Variants in C10orf90 observed in about 807,000 individuals in gnomAD.
C10orf90 encodes chromosome 10 open reading frame 90.
Under a neutral mutation model 62.5 loss-of-function variants are expected in C10orf90, and 56 were observed. The observed-to-expected ratio is 0.90, with a 90% CI of 0.72 to 1.12. The LOEUF (loss-of-function observed/expected upper bound fraction) is 1.12, where lower values mean the gene tolerates loss of function less well. Ranked by LOEUF, C10orf90 falls within the 50% of genes most tolerant of loss-of-function variation. The pLI, the probability that C10orf90 is intolerant of heterozygous loss-of-function variation, is 0.00. For synonymous variants in C10orf90, 386 were observed against 340.4 expected, an observed-to-expected ratio of 1.13 and a Z score of -1.47; for missense variants, 970 against 880.4, an observed-to-expected ratio of 1.10 and a Z score of -1.29.
chr10:126,563,426 G>A (rs1864948980), intron 2 of C10orf90, among the ~76,000 whole-genome samples: 1 of 152,190 alleles, frequency 6.6e-6, no homozygotes, highest in African/African-American at 2.4e-5. Flanking sequence ...CACATGCAAA[G>A]CTCCTGTGGT....
At chr10:126,486,342 T>C (rs2133819489) in intron 4 of C10orf90, among the ~76,000 whole-genome samples, 1 of 152,290 alleles carries the variant, frequency 6.6e-6, no homozygotes, top group South Asian at 2.1e-4. Flanking sequence ...AAGGAACTTA[T>C]TCTCAACCCA....
At chr10:126,497,017 C>T (rs1262424535) in intron 4 of C10orf90, among the ~76,000 whole-genome samples, 3 of 152,150 alleles carry the variant, frequency 2.0e-5, no homozygotes, top group East Asian at 3.9e-4. Flanking sequence ...GCAAGGAGAC[C>T]AGGTCTGAGT....
chr10:126,491,635 A>G (rs1861779570), intron 4 of C10orf90, among the ~76,000 whole-genome samples: 1 of 152,242 alleles, frequency 6.6e-6, no homozygotes, highest in South Asian at 2.1e-4. Flanking sequence ...CTCATCCTTC[A>G]AATCCGCAGA....
rs74158860 is a variant in C10orf90 at position 126,642,779 on chromosome 10, G to C, written c.313+3786C>G. Among the ~76,000 whole-genome samples the C allele has an allele frequency of 3.4e-3, 512 of 152,104 alleles. 3 individuals carry two copies. Among genetic ancestry groups the C allele is most frequent in the African/African-American group, 0.012 (500 of 41,472 alleles). The stretch of plus-strand genomic sequence containing the variant: ...TCTATGCCACACTGCCAGCTGCTTC[G>C]CGAGCATCTGGAGCAGATGAGGTCA... On this transcript the variant is annotated intron_variant, in intron 2 of 9. Transcript: ENST00000488181.
chr10:126,571,575 G>A (rs1338256296), intron 2 of C10orf90, among the ~76,000 whole-genome samples: 1 of 152,224 alleles, frequency 6.6e-6, no homozygotes. Flanking sequence ...TCCATCATTA[G>A]CATTCCATTC....
chr10:126,643,826 C>A (rs1367340872), intron 2 of C10orf90, among the ~76,000 whole-genome samples: 1 of 152,330 alleles, frequency 6.6e-6, no homozygotes, highest in Middle Eastern at 3.4e-3. Context: ...CATCCTGGTC[C>A]CAGACCCTTC....
intron 2 of C10orf90, among the ~76,000 whole-genome samples, chr10:126,603,328 G>A (rs1269276816): frequency 6.6e-6 from 1 of 152,082 alleles, no homozygotes; most frequent in African/African-American, 2.4e-5. Flanking sequence ...GCAAAAGCGG[G>A]AAAAGCCCCT....
intron 2 of C10orf90, among the ~76,000 whole-genome samples, chr10:126,584,627 C>T (rs529695942): frequency 6.6e-6 from 1 of 152,114 alleles, no homozygotes; most frequent in Non-Finnish European, 1.5e-5. Context: ...CTCACGTGTG[C>T]CCATGTTTTG....
At position 126,513,911 on chromosome 10, in the gene C10orf90, T is replaced by C; in HGVS notation, c.342A>G (p.Arg114=). The change falls in exon 3 of 10, where the codon AGA becomes AGG. Residue 114 remains arginine (R), a synonymous_variant. Transcript: ENST00000488181. Reference sequence around the variant, plus strand: ...GGAGATTTTTAAGGGCAATTTGATCTCTTCTACTGTGGTAGCTGTCCCGTA... The same window carrying C: ...GGAGATTTTTAAGGGCAATTTGATCCCTTCTACTGTGGTAGCTGTCCCGTA... The part of the protein sequence containing the change: ...AGLRDSYHSR[R]DQIALKNLQS... 2 of 1,613,250 alleles carry C rather than the reference T, an allele frequency of 1.2e-6. No individual in the cohort carries two copies. The highest frequency in any genetic ancestry group is 1.7e-6 in the Non-Finnish European group (2 of 1,179,406).
chr10:126,559,657 G>A (rs7075271), intron 2 of C10orf90, among the ~76,000 whole-genome samples: 1 of 151,802 alleles, frequency 6.6e-6, no homozygotes, highest in Non-Finnish European at 1.5e-5. Context: ...TCGGAAGATG[G>A]GTACCAGAGA....
chr10:126,504,246 G>C lies in C10orf90; in HGVS notation c.1245C>G (p.Ala415=), dbSNP rs779964630. 1 of 1,614,114 alleles carries C rather than the reference G, an allele frequency of 6.2e-7. No individual in the cohort carries two copies. The highest frequency in any genetic ancestry group is 8.5e-7 in the Non-Finnish European group (1 of 1,180,022). Residue 415 remains alanine (A), a synonymous_variant, in exon 4 of 10, where the codon GCC becomes GCG. Coordinates refer to ENST00000488181, the MANE Select transcript of C10orf90 (RefSeq NM_001350921.2). The surrounding 1 kb of genome is among the most constrained non-coding windows in gnomAD (Gnocchi z 4.1). ...CTCCCTCCAGGAGCTCCTGCTTCAG[G>C]GCTTCGCTTATTGGCTCTCTGTTCA... ...GLVNREPISE[A]LKQELLEGDQ... is the part of the protein sequence containing the mutation.
intron 2 of C10orf90, among the ~76,000 whole-genome samples, chr10:126,576,382 A>C (rs1303978688): frequency 6.6e-6 from 1 of 151,084 alleles, no homozygotes; most frequent in Non-Finnish European, 1.5e-5. Context: ...ATCTCACTCT[A>C]GTTAAAATGG....
At chr10:126,589,314 G>A (rs2134026129) in intron 2 of C10orf90, among the ~76,000 whole-genome samples, 1 of 152,196 alleles carries the variant, frequency 6.6e-6, no homozygotes, top group Non-Finnish European at 1.5e-5. Flanking sequence ...ACTTCCCCAA[G>A]CCAGCAAGAC....
intron 3 of C10orf90, 75 bp from the exon 4 acceptor site, chr10:126,505,160 AC>A: frequency 6.8e-7 from 1 of 1,461,848 alleles, no homozygotes; most frequent in Non-Finnish European, 9.1e-7. Context: ...TTCAAGGGCC[AC>A]CAGGATGCCA....
rs11816963 is a variant in C10orf90, at chr10:126,515,678, C to G, written c.314-1739G>C. ...ATCCCCATCCTGAAGCACTGCTTGA[C>G]TGTAACTGAAAGCATTTTATGAGGA... On this transcript the variant is annotated intron_variant, in intron 2 of 9. Transcript: ENST00000488181. 6.6e-3 allele frequency among the ~76,000 whole-genome samples: 1,012 copies of G among 152,294 alleles called. 9 individuals carry two copies. Among genetic ancestry groups the G allele is most frequent in the African/African-American group, 0.023 (961 of 41,584 alleles).
intron 2 of C10orf90, among the ~76,000 whole-genome samples, chr10:126,573,084 T>C (rs893280482): frequency 1.3e-5 from 2 of 152,152 alleles, no homozygotes; most frequent in Non-Finnish European, 1.5e-5. Flanking sequence ...TTTATTCAGC[T>C]GGGAGCATCA....
At chr10:126,458,638 G>A (rs1220761961) in intron 7 of C10orf90, among the ~76,000 whole-genome samples, 1 of 152,172 alleles carries the variant, frequency 6.6e-6, no homozygotes, top group African/African-American at 2.4e-5. Context: ...GTTTCAAGAT[G>A]AGGAATGTTG....
intron 7 of C10orf90, among the ~76,000 whole-genome samples, chr10:126,455,344 T>A (rs1859477197): frequency 6.6e-6 from 1 of 152,134 alleles, no homozygotes; most frequent in Non-Finnish European, 1.5e-5. Flanking sequence ...TTGGCATGGT[T>A]CTCCCCCATG....
In C10orf90 at chr10:126,504,904, GCT is replaced by G; in HGVS notation, c.585_586del (p.Arg195SerfsTer17). On this transcript the variant is annotated frameshift_variant, in exon 4 of 10. Coordinates refer to ENST00000488181, the MANE Select transcript of C10orf90 (RefSeq NM_001350921.2). LOFTEE classifies it high-confidence loss of function. The surrounding 1 kb of genome is among the most constrained non-coding windows in gnomAD (Gnocchi z 4.1). ...TAATCTGCCCGGAAGTAACGCAAAT[GCT>G]CTGTGAATGTTGACTCCGCTGCGGT... is the stretch of plus-strand genomic sequence containing the variant. The G allele has an allele frequency of 1.2e-6, 2 of 1,614,234 alleles. No homozygotes were observed. Among genetic ancestry groups the G allele is most frequent in the Non-Finnish European group, 1.7e-6 (2 of 1,180,054 alleles).
Sources: gnomAD v4.1 joint callset for allele counts (sites outside exome capture counted in the v4.1 genomes callset) on GRCh38, gnomAD v4.1.1 for gene constraint, Gnocchi (gnomAD v3.1) non-coding constraint, MANE v1.5 for transcripts, NCBI Gene and HGNC (gene_info 2026-07-23, HGNC 2026-07-21) for gene names.